Variants in GRIP1 observed in about 807,000 individuals in gnomAD.
The protein encoded by GRIP1 is glutamate receptor-interacting protein 1.
GRIP1 carries 45 observed loss-of-function variants against 129.9 expected under a neutral mutation model. The ratio of observed to expected loss-of-function variants is 0.35; its 90% CI spans 0.27 to 0.44. The LOEUF (loss-of-function observed/expected upper bound fraction) is 0.44. Ranked by LOEUF, GRIP1 falls within the 20% of genes least tolerant of loss-of-function variation. The pLI is 1.00. For synonymous variants in GRIP1, 530 were observed against 520.8 expected (o/e 1.02, Z -0.24); for missense variants, 1,196 against 1,396.8 (o/e 0.86, Z 2.29).
intron 2 of GRIP1, among the ~76,000 whole-genome samples, chr12:66,587,121 C>A (rs900210719): frequency 1.3e-5 from 2 of 152,136 alleles, no homozygotes; most frequent in Admixed American, 6.6e-5. Context: ...TATTGTTCAA[C>A]CTCCTCTCTC....
intron 2 of GRIP1, among the ~76,000 whole-genome samples, chr12:66,566,195 G>C (rs2062750445): frequency 1.3e-5 from 2 of 152,158 alleles, no homozygotes; most frequent in South Asian, 4.1e-4. Flanking sequence ...TCCCTGTCTT[G>C]TGCCAGTTTT....
chr12:67,048,991 A>T (rs2043298683), intron 1 of GRIP1, among the ~76,000 whole-genome samples: 1 of 151,756 alleles, frequency 6.6e-6, no homozygotes, highest in Admixed American at 6.6e-5. Flanking sequence ...CACCTGGCTA[A>T]TTTTTTTTAT....
At chr12:66,391,876 G>A (rs892367699) in intron 19 of GRIP1, among the ~76,000 whole-genome samples, 7 of 152,082 alleles carry the variant, frequency 4.6e-5, no homozygotes, top group Non-Finnish European at 1.0e-4. Context: ...AGTCAGGAGT[G>A]TGCAGGAATA....
At chr12:67,051,783 GTTT>G (rs771431556) in intron 1 of GRIP1, among the ~76,000 whole-genome samples, 4 of 152,174 alleles carry the variant, frequency 2.6e-5, no homozygotes, top group Non-Finnish European at 5.9e-5. Flanking sequence ...AAGCTTTGCT[GTTT>G]TTTGTTTGTT....
chr12:66,899,354 TC>T (rs2040806455), intron 1 of GRIP1, among the ~76,000 whole-genome samples: 2 of 151,812 alleles, frequency 1.3e-5, no homozygotes, highest in Admixed American at 1.3e-4. Flanking sequence ...ACTGTTCCTG[TC>T]CCATGTGAAA....
chr12:66,392,606 C>CA (rs2056635365), intron 18 of GRIP1, 71 bp downstream of exon 18: 1 of 1,584,140 alleles, frequency 6.3e-7, no homozygotes, highest in Non-Finnish European at 8.7e-7. Flanking sequence ...TACACACAGA[C>CA]ACTAGCACAT....
At chr12:66,897,579 G>A (rs948486245) in intron 1 of GRIP1, among the ~76,000 whole-genome samples, 4 of 152,182 alleles carry the variant, frequency 2.6e-5, no homozygotes, top group African/African-American at 9.6e-5. Flanking sequence ...ATGGGAGGCA[G>A]TCATGATGGT....
chr12:66,528,093 A>G (rs2061318362), intron 5 of GRIP1, among the ~76,000 whole-genome samples: 1 of 151,858 alleles, frequency 6.6e-6, no homozygotes. Context: ...TACTAATGAG[A>G]AAATATAATG....
In GRIP1 at chr12:66,464,672, A is replaced by AT. The variant is rs778176058; in HGVS notation, c.872+602dup. 2.2e-4 allele frequency among the ~76,000 whole-genome samples: 33 copies of AT among 151,490 alleles called. 1 individual carries two copies. The East Asian group carries it at 3.5e-3, about 16-fold the overall frequency. On this transcript the variant is annotated intron_variant, in intron 8 of 24. Coordinates refer to ENST00000359742, the MANE Select transcript of GRIP1 (RefSeq NM_001366722.1). ...GTAAGAAAACTTGCTTAGTTGCTTG[A>AT]TTTTTTTTTCTATTGCTAAAGGCCA...
intron 1 of GRIP1, among the ~76,000 whole-genome samples, chr12:66,930,230 A>G (rs973013053): frequency 1.0e-4 from 15 of 143,450 alleles, no homozygotes; most frequent in Non-Finnish European, 2.0e-4. Flanking sequence ...AGCATTAGGT[A>G]TATCTCCCGA....
At chr12:66,793,928 T>C (rs943123504) in intron 1 of GRIP1, among the ~76,000 whole-genome samples, 4 of 152,308 alleles carry the variant, frequency 2.6e-5, no homozygotes, top group Admixed American at 2.6e-4. Context: ...TTAAATGAGC[T>C]AATGCACATA....
chr12:66,822,868 T>C (rs1411854935), intron 1 of GRIP1, among the ~76,000 whole-genome samples: 1 of 152,144 alleles, frequency 6.6e-6, no homozygotes, highest in South Asian at 2.1e-4. Context: ...GTCAAAAAAC[T>C]GTTGGGTACT....
At chr12:66,364,265 C>CAAAAAAAAAAAAAA (rs1159887365) in intron 23 of GRIP1, among the ~76,000 whole-genome samples, 2 of 16,348 alleles carry the variant, frequency 1.2e-4, no homozygotes, top group Non-Finnish European at 2.1e-4. Context: ...GACTCCATCT[C>CAAAAAAAAAAAAAA]AAAAAAAAAA....
At chr12:66,972,738 T>C (rs1234417493) in intron 1 of GRIP1, among the ~76,000 whole-genome samples, 6 of 152,198 alleles carry the variant, frequency 3.9e-5, no homozygotes, top group Non-Finnish European at 8.8e-5. Context: ...GTTCATATGG[T>C]ATATTTTGCA....
At chr12:67,034,024 T>A (rs1305988991) in intron 1 of GRIP1, among the ~76,000 whole-genome samples, 1 of 152,178 alleles carries the variant, frequency 6.6e-6, no homozygotes, top group Non-Finnish European at 1.5e-5. Flanking sequence ...TTAAAGGCTG[T>A]AAAGAAATGA....
chr12:66,589,351 GTTTCT>G (rs2063769114), intron 2 of GRIP1, among the ~76,000 whole-genome samples: 1 of 151,172 alleles, frequency 6.6e-6, no homozygotes, highest in South Asian at 2.1e-4. Flanking sequence ...CTCTTTTCTC[GTTTCT>G]TTTCATTTGT....
chr12:66,485,449 T>C (rs2059927679), intron 7 of GRIP1, among the ~76,000 whole-genome samples: 1 of 151,334 alleles, frequency 6.6e-6, no homozygotes, highest in African/African-American at 2.4e-5. Context: ...TTTTAAAAAC[T>C]AAAAAATAAT....
chr12:66,605,917 G>A (rs1181811578), intron 1 of GRIP1, among the ~76,000 whole-genome samples: 1 of 151,990 alleles, frequency 6.6e-6, no homozygotes, highest in Non-Finnish European at 1.5e-5. Context: ...AATAACAAGG[G>A]GACAATGTAT....
At chr12:66,896,134 T>C (rs1160720784) in intron 1 of GRIP1, among the ~76,000 whole-genome samples, 1 of 152,172 alleles carries the variant, frequency 6.6e-6, no homozygotes, top group East Asian at 1.9e-4. Flanking sequence ...TGGAGCAGGA[T>C]GAAGCTGCAA....
Sources: allele counts gnomAD v4.1 joint callset (sites outside exome capture counted in the v4.1 genomes callset), GRCh38; gene constraint gnomAD v4.1.1; transcripts MANE v1.5; gene names NCBI Gene and HGNC (gene_info 2026-07-23, HGNC 2026-07-21).